The following SYT11 variants were observed in gnomAD, a reference collection of about 807,000 sequenced individuals.
SYT11 encodes the protein synaptotagmin-11.
Under a neutral mutation model 30.4 loss-of-function variants are expected in SYT11, and 12 were observed. That is an observed-to-expected ratio of 0.39 (90% CI 0.25 to 0.64). The LOEUF is 0.64. Among genes scored for constraint, SYT11 ranks in the 30% least tolerant of loss-of-function variants. The pLI is 0.45. For synonymous variants in SYT11, 204 were observed against 216.0 expected, an observed-to-expected ratio of 0.94 and a Z score of 0.49; for missense variants, 412 against 552.0, an observed-to-expected ratio of 0.75 and a Z score of 2.54.
chr1:155,864,854 G>C (rs973009224), intron 1 of SYT11, among the ~76,000 whole-genome samples: 3 of 151,942 alleles, frequency 2.0e-5, no homozygotes, highest in Non-Finnish European at 4.4e-5. Context: ...GGGATTACAG[G>C]CACCTGCCAC....
rs11419325 is a variant in SYT11 at position 155,866,116 on chromosome 1, C to CTT, written c.35-1836_35-1835dup. Among the ~76,000 whole-genome samples, 458 of 123,122 alleles carry CTT rather than the reference C, an allele frequency of 3.7e-3. 6 individuals carry two copies. The highest frequency in any genetic ancestry group is 5.3e-3 in the African/African-American group (172 of 32,228). 80.8% of individuals were successfully genotyped at this position (123,122 alleles called of 152,430 possible). ...CTATTTCTCTTTCTCTTTTTTTTTTCTTTTTTTTTTTTTTGAGATGGGGTC... is the reference window on the plus strand; with the variant it reads ...CTATTTCTCTTTCTCTTTTTTTTTTCTTTTTTTTTTTTTTTTGAGATGGGGTC... On this transcript the variant is annotated intron_variant, in intron 1 of 3. Transcript: ENST00000368324.
At chr1:155,879,687 G>C (rs962978234) in intron 2 of SYT11, among the ~76,000 whole-genome samples, 52 of 152,214 alleles carry the variant, frequency 3.4e-4, no homozygotes, top group African/African-American at 1.2e-3. Flanking sequence ...ACCTCCCACT[G>C]TACAGTCTTC....
At chr1:155,865,624 G>A (rs1026590985) in intron 1 of SYT11, among the ~76,000 whole-genome samples, 3 of 147,506 alleles carry the variant, frequency 2.0e-5, no homozygotes, top group African/African-American at 7.5e-5. Context: ...GCAAAACTCT[G>A]TCTCAAAAAA....
chr1:155,880,614 C>G lies in SYT11; in HGVS notation c.976C>G (p.Leu326Val). 1 of 1,613,994 alleles carries G rather than the reference C, an allele frequency of 6.2e-7. No homozygotes were observed. Among genetic ancestry groups the G allele is most frequent in the African/African-American group, 1.3e-5 (1 of 75,052 alleles). The stretch of plus-strand genomic sequence containing the variant: ...CTTGCCGAAGATGGATATCACCGGT[C>G]TCTCAGGTAGCAGCTATTTACTTCA... ...RHLPKMDITGLSGNPYVKVNV... is the reference protein window; with the variant it reads ...RHLPKMDITGVSGNPYVKVNV... Residue 326 changes from leucine (L) to valine (V), a missense_variant, in exon 3 of 4, where the codon CTC (leucine) becomes GTC (valine). Leu to Val is a conservative substitution (Grantham distance 32). Transcript: ENST00000368324.
intron 1 of SYT11, among the ~76,000 whole-genome samples, chr1:155,861,600 TA>T (rs1281883948): frequency 2.6e-5 from 4 of 152,150 alleles, no homozygotes; most frequent in Non-Finnish European, 5.9e-5. Context: ...AACAAATGAC[TA>T]AAGGTAGCAC....
rs1045218209 is a variant in SYT11, at chr1:155,884,588, T to A, written c.*3080T>A. On this transcript the variant is annotated 3_prime_UTR_variant, in exon 4 of 4. Transcript: ENST00000368324. ...GAGGAGGAATGCCTTCTCCTAAGAG[T>A]CAGTTGAAAGAAAGACAAGAGAGTC... 2.6e-5 allele frequency: 4 copies of A among 152,648 alleles called. No homozygotes were observed. The highest frequency in any genetic ancestry group is 5.9e-5 in the Non-Finnish European group (4 of 68,022). The allele number at this position is 152,648 out of a possible 1,614,324, so 9.5% of individuals were successfully genotyped here.
intron 1 of SYT11, among the ~76,000 whole-genome samples, chr1:155,861,199 A>T (rs950308883): frequency 6.6e-6 from 1 of 152,208 alleles, no homozygotes; most frequent in Non-Finnish European, 1.5e-5. Context: ...CACTTATTCC[A>T]CAAGGCTAAA....
chr1:155,871,463 A>G (rs549900293), intron 2 of SYT11, among the ~76,000 whole-genome samples: 1 of 152,328 alleles, frequency 6.6e-6, no homozygotes, highest in Middle Eastern at 3.4e-3. Flanking sequence ...ATACACTTGC[A>G]GCCCAAGGCT....
At chr1:155,875,408 G>C (rs1672845103) in intron 2 of SYT11, among the ~76,000 whole-genome samples, 1 of 151,696 alleles carries the variant, frequency 6.6e-6, no homozygotes, top group African/African-American at 2.4e-5. Flanking sequence ...ACCTTGGTTA[G>C]ATTTTTTTTT....
intron 2 of SYT11, 84 bp from the exon 3 acceptor site, chr1:155,880,416 G>A: frequency 6.5e-7 from 1 of 1,550,106 alleles, no homozygotes; most frequent in South Asian, 1.2e-5. Context: ...TCCTCCCCCA[G>A]ACTCTTCCCA....
chr1:155,881,121 C>T lies in SYT11; in HGVS notation c.986-77C>T. 2.7e-6 allele frequency: 4 copies of T among 1,459,426 alleles called. No homozygotes were observed. The South Asian group carries it at 5.4e-5, about 20-fold the overall frequency. The allele number at this position is 1,459,426 out of a possible 1,614,324, so 90.4% of individuals were successfully genotyped here. ...AACAACAGAGCCCCCCCTTTCCCAA[C>T]ATGAAATTACCATTACATAGGAGAG... On this transcript the variant is annotated intron_variant, in intron 3 of 3. Transcript: ENST00000368324.
At chr1:155,867,772 C>T (rs535961546) in intron 1 of SYT11, among the ~76,000 whole-genome samples, 193 bp from the exon 2 acceptor site, 3 of 152,180 alleles carry the variant, frequency 2.0e-5, no homozygotes, top group South Asian at 2.1e-4. Flanking sequence ...GAGGAAAAGC[C>T]GTGGAGTGGT....
intron 2 of SYT11, among the ~76,000 whole-genome samples, chr1:155,873,286 C>G (rs1477994339): frequency 6.6e-6 from 1 of 151,952 alleles, no homozygotes; most frequent in Non-Finnish European, 1.5e-5. Flanking sequence ...ATTAGCTGGG[C>G]GTGGTGGCAC....
In SYT11 at chr1:155,882,911, CAG is replaced by C. The variant is rs1483140785; in HGVS notation, c.*1404_*1405del. 5 of 152,302 alleles carry C rather than the reference CAG, an allele frequency of 3.3e-5. No individual in the cohort carries two copies. The highest frequency in any genetic ancestry group is 7.3e-5 in the Non-Finnish European group (5 of 68,034). 9.4% of individuals were successfully genotyped at this position (152,302 alleles called of 1,614,324 possible). A position where few individuals can be genotyped will look rare whatever the true frequency, so the allele number is the denominator to read the frequency against. ...ATGAGGTTAGCTTTGCTTCATAAAA[CAG>C]GGGCCCTCAGAAGTTCTCCTTAAAT... On this transcript the variant is annotated 3_prime_UTR_variant, in exon 4 of 4. Coordinates refer to ENST00000368324, the MANE Select transcript of SYT11 (RefSeq NM_152280.5).
At chr1:155,869,263 C>CTTTTTTTTTT in intron 2 of SYT11, among the ~76,000 whole-genome samples, 1 of 83,880 alleles carries the variant, frequency 1.2e-5, no homozygotes, top group Non-Finnish European at 2.0e-5. Flanking sequence ...ATGTACATGT[C>CTTTTTTTTTT]TTTTTTTTTT....
chr1:155,859,810 G>T lies in SYT11; in HGVS notation c.34+15G>T. ...ACCTAGCTTTGGTAAGTAGACTCGGGAAAACTAAGCTTGAGGTGGTCAGAA... is the reference window on the plus strand; with the variant it reads ...ACCTAGCTTTGGTAAGTAGACTCGGTAAAACTAAGCTTGAGGTGGTCAGAA... On this transcript the variant is annotated intron_variant, in intron 1 of 3. Transcript: ENST00000368324. 6.2e-7 allele frequency: 1 copy of T among 1,613,746 alleles called. No individual in the cohort carries two copies. Among genetic ancestry groups the T allele is most frequent in the African/African-American group, 1.3e-5 (1 of 75,042 alleles).
At chr1:155,865,081 T>C (rs1208821440) in intron 1 of SYT11, among the ~76,000 whole-genome samples, 1 of 152,198 alleles carries the variant, frequency 6.6e-6, no homozygotes, top group East Asian at 1.9e-4. Flanking sequence ...GAACGCTTAC[T>C]ACATGCCGCA....
intron 1 of SYT11, among the ~76,000 whole-genome samples, chr1:155,861,051 G>A (rs1672577393): frequency 6.6e-6 from 1 of 152,122 alleles, no homozygotes; most frequent in Non-Finnish European, 1.5e-5. Flanking sequence ...GCTAGGAAAT[G>A]GCTTTTCTCA....
intron 2 of SYT11, among the ~76,000 whole-genome samples, chr1:155,874,963 G>T (rs1282690435): frequency 6.9e-6 from 1 of 144,854 alleles, no homozygotes; most frequent in Non-Finnish European, 1.5e-5. Flanking sequence ...ACGATTAAGA[G>T]CTGACAATAG....
Sources: allele counts gnomAD v4.1 joint callset (sites outside exome capture counted in the v4.1 genomes callset), GRCh38; gene constraint gnomAD v4.1.1; transcripts MANE v1.5; gene names NCBI Gene and HGNC (gene_info 2026-07-23, HGNC 2026-07-21).